Variants in ADGRV1 observed in about 807,000 individuals in gnomAD.
ADGRV1 encodes the protein adhesion G protein-coupled receptor V1.
A neutral mutation model predicts 596.2 loss-of-function variants in ADGRV1; 359 were observed. The ratio of observed to expected loss-of-function variants is 0.60; its 90% CI spans 0.55 to 0.66. The LOEUF (loss-of-function observed/expected upper bound fraction) is 0.66. ADGRV1 is among the 30% of genes least tolerant of loss of function. ADGRV1 has a pLI of 0.00. For synonymous variants in ADGRV1, 2,681 were observed against 2,679.2 expected (o/e 1.00, Z -0.02); for missense variants, 7,274 against 7,575.6 (o/e 0.96, Z 1.48).
chr5:90,817,828 A>G (rs1429256097), intron 75 of ADGRV1, among the ~76,000 whole-genome samples: 3 of 152,164 alleles, frequency 2.0e-5, no homozygotes, highest in African/African-American at 7.2e-5. Context: ...CTTGTAGTAT[A>G]GTTTGAAATC....
At chr5:90,867,987 G>A (rs962792940) in intron 83 of ADGRV1, among the ~76,000 whole-genome samples, 4 of 152,126 alleles carry the variant, frequency 2.6e-5, no homozygotes, top group Non-Finnish European at 4.4e-5. Context: ...TCATTTTTCA[G>A]TAGAACATTT....
intron 85 of ADGRV1, among the ~76,000 whole-genome samples, chr5:91,055,338 A>G (rs1322280499): frequency 6.6e-6 from 1 of 152,016 alleles, no homozygotes; most frequent in Non-Finnish European, 1.5e-5. Context: ...TGATTTCTAT[A>G]CATGAGTAGA....
chr5:90,753,698 A>G lies in ADGRV1; in HGVS notation c.11246A>G (p.Asp3749Gly), dbSNP rs2149965172. ...CGTATCACCACAGAAGGGGTTGAGG[A>G]CTCATACAAAGGTGCTACTATTGAT... The part of the protein sequence containing the change: ...LTRITTEGVE[D>G]SYKGATIDQD... Residue 3749 changes from aspartate (D) to glycine (G), a missense_variant, in exon 54 of 90, where the codon GAC becomes GGC. Physicochemically the swap from Asp to Gly is moderately conservative, Grantham distance 94. Coordinates refer to ENST00000405460, the MANE Select transcript of ADGRV1 (RefSeq NM_032119.4). 1 of 1,613,752 alleles carries G rather than the reference A, an allele frequency of 6.2e-7. No individual in the cohort carries two copies. The highest frequency in any genetic ancestry group is 2.2e-5 in the East Asian group (1 of 44,868).
At chr5:90,990,361 A>C (rs1194739133) in intron 85 of ADGRV1, among the ~76,000 whole-genome samples, 2 of 152,210 alleles carry the variant, frequency 1.3e-5, no homozygotes, top group African/African-American at 4.8e-5. Flanking sequence ...TATGCCAGCC[A>C]TGTAACTTGA....
In ADGRV1 at chr5:90,832,691, C is replaced by T. The variant is rs573500779; in HGVS notation, c.16611+3505C>T. ...AGTCCAATGTCCTAGAGAGTTTCCT[C>T]CAACATTTTCTTGTAGTAGTTTCTT... On this transcript the variant is annotated intron_variant, in intron 77 of 89. Transcript: ENST00000405460. Among the ~76,000 whole-genome samples the T allele has an allele frequency of 5.9e-5, 9 of 152,270 alleles. No individual in the cohort carries two copies. The South Asian group carries it at 8.3e-4, about 14-fold the overall frequency.
Position 90,627,727 on chromosome 5 carries a change from A to G in ADGRV1, c.1189A>G (p.Ser397Gly), listed in dbSNP as rs377201437. ...ACCTTATGGAGTCCTTTCATTCAAC[A>G]GTGTTTTGTTTGAAAGGACAGTTAT... ...DKPYGVLSFN[S>G]VLFERTVIID... Residue 397 changes from serine (S) to glycine (G), a missense_variant, in exon 7 of 90, where the codon AGT becomes GGT. This residue lies in a region of ADGRV1 where 1,715 missense variants were observed against 1,708.8 expected (regional missense o/e 1.00). Coordinates refer to ENST00000405460, the MANE Select transcript of ADGRV1 (RefSeq NM_032119.4). 23 of 1,594,662 alleles carry G rather than the reference A, an allele frequency of 1.4e-5. No individual in the cohort carries two copies. Among genetic ancestry groups the G allele is most frequent in the African/African-American group, 4.0e-5 (3 of 74,370 alleles).
chr5:90,644,112 A>G (rs1188734997), intron 14 of ADGRV1, 129 bp downstream of exon 14: 1 of 652,356 alleles, frequency 1.5e-6, no homozygotes, highest in East Asian at 2.9e-5. Flanking sequence ...CATAGTGCGG[A>G]AGTTTTTTTT....
At chr5:91,104,622 C>T (rs1791682956) in intron 87 of ADGRV1, among the ~76,000 whole-genome samples, 1 of 152,058 alleles carries the variant, frequency 6.6e-6, no homozygotes, top group South Asian at 2.1e-4. Flanking sequence ...ACCCTCTGTT[C>T]TACTTTTTAC....
intron 85 of ADGRV1, 134 bp downstream of exon 85, chr5:90,985,656 T>C (rs1780430785): frequency 6.7e-6 from 4 of 598,682 alleles, no homozygotes; most frequent in Non-Finnish European, 1.1e-5. Flanking sequence ...CTCTGCTTAC[T>C]CTAATTACTC....
At chr5:90,976,348 ATGTATATGTATATATG>A (rs1356470074) in intron 84 of ADGRV1, among the ~76,000 whole-genome samples, 8 of 141,470 alleles carry the variant, frequency 5.7e-5, no homozygotes, top group Non-Finnish European at 1.2e-4. Context: ...ATATATATAT[ATGTATATGTATATATG>A]GACATCTTTA....
chr5:91,106,947 G>A (rs778339138), intron 87 of ADGRV1, among the ~76,000 whole-genome samples: 1 of 152,208 alleles, frequency 6.6e-6, no homozygotes, highest in African/African-American at 2.4e-5. Flanking sequence ...AGGACGCAAT[G>A]CCTAACTCTG....
In ADGRV1 at chr5:91,102,274, A is replaced by T; in HGVS notation, c.18366A>T (p.Gly6122=). ...TGATTTCCGTGACATGGCTTTGGGG[A>T]GGACTACACATGGCCTACAGACACT... ...FALISVTWLW[G]GLHMAYRHFW... is the part of the protein sequence containing the mutation. The change falls in exon 87 of 90, where the codon GGA becomes GGT. Residue 6122 remains glycine, a synonymous_variant. Coordinates refer to ENST00000405460, the MANE Select transcript of ADGRV1 (RefSeq NM_032119.4). 6.2e-7 allele frequency: 1 copy of T among 1,610,580 alleles called. No individual in the cohort carries two copies. Among genetic ancestry groups the T allele is most frequent in the Non-Finnish European group, 8.5e-7 (1 of 1,178,034 alleles).
chr5:90,668,723 A>G (rs967969622), intron 21 of ADGRV1, among the ~76,000 whole-genome samples: 1 of 152,096 alleles, frequency 6.6e-6, no homozygotes, highest in East Asian at 1.9e-4. Flanking sequence ...ATATTCATTA[A>G]ATTTTCTATA....
At chr5:90,845,228 C>G (rs995382689) in intron 78 of ADGRV1, among the ~76,000 whole-genome samples, 4 of 152,116 alleles carry the variant, frequency 2.6e-5, no homozygotes, top group Admixed American at 2.6e-4. Flanking sequence ...ACAAAAAGAA[C>G]AAGTTAGTCA....
chr5:90,900,928 T>C (rs575811656), intron 83 of ADGRV1, among the ~76,000 whole-genome samples: 64 of 145,974 alleles, frequency 4.4e-4, no homozygotes, highest in African/African-American at 1.6e-3. Flanking sequence ...TATTAATATT[T>C]TGGCATATTT....
chr5:90,976,214 G>GTATATATATATA (rs199752660), intron 84 of ADGRV1, among the ~76,000 whole-genome samples: 189 of 140,900 alleles, frequency 1.3e-3, no homozygotes, highest in African/African-American at 4.9e-3. Flanking sequence ...GTGTGTGAGT[G>GTATATATATATA]TGTATATATA....
At position 90,697,115 on chromosome 5, in the gene ADGRV1, G is replaced by C; in HGVS notation, c.8124G>C (p.Gln2708His). 6.2e-7 allele frequency: 1 copy of C among 1,613,368 alleles called. No homozygotes were observed. Among genetic ancestry groups the C allele is most frequent in the Non-Finnish European group, 8.5e-7 (1 of 1,179,410 alleles). The change falls in exon 34 of 90, where the codon CAG (glutamine) becomes CAC (histidine). Residue 2708 changes from glutamine (Q) to histidine (H), a missense_variant. Physicochemically the swap from Gln to His is conservative, Grantham distance 24. Transcript: ENST00000405460. The stretch of plus-strand genomic sequence containing the variant: ...ATGTGGCAGGAATTGTTAGCTTTCA[G>C]ACAGCTTCCAGATCTGTCATAGGTC... Reference protein sequence around the residue: ...NDNVAGIVSFQTASRSVIGHE... With the variant: ...NDNVAGIVSFHTASRSVIGHE...
intron 72 of ADGRV1, among the ~76,000 whole-genome samples, chr5:90,807,227 A>AGAT: frequency 6.6e-6 from 1 of 152,348 alleles, no homozygotes; most frequent in East Asian, 1.9e-4. Context: ...TAAAATACAT[A>AGAT]GATTATGATA....
intron 1 of ADGRV1, among the ~76,000 whole-genome samples, chr5:90,570,346 T>C (rs1309835094): frequency 5.3e-5 from 8 of 152,184 alleles, no homozygotes; most frequent in African/African-American, 1.9e-4. Flanking sequence ...CCTTCCTCTT[T>C]CGTGATTCTC....
Sources: gnomAD v4.1 joint callset for allele counts (sites outside exome capture counted in the v4.1 genomes callset) on GRCh38, gnomAD v4.1.1 for gene constraint, gnomAD v4.1.1 regional missense constraint, MANE v1.5 for transcripts, NCBI Gene and HGNC (gene_info 2026-07-23, HGNC 2026-07-21) for gene names.